The following CTNNA1 variants were observed in gnomAD, a reference collection of about 807,000 sequenced individuals.
CTNNA1 encodes the protein catenin alpha-1.
A neutral mutation model predicts 98.4 loss-of-function variants in CTNNA1; 37 were observed. The ratio of observed to expected loss-of-function variants is 0.38; its 90% CI spans 0.29 to 0.49. The LOEUF (loss-of-function observed/expected upper bound fraction) is 0.49, where lower values mean the gene tolerates loss of function less well. Among genes scored for constraint, CTNNA1 ranks in the 20% least tolerant of loss-of-function variants. The pLI, the probability that CTNNA1 is intolerant of heterozygous loss-of-function variation, is 0.95. For missense variants in CTNNA1, 761 were observed against 1,147.2 expected (o/e 0.66, Z 4.86); for synonymous variants, 404 against 413.2 (o/e 0.98, Z 0.27).
chr5:138,854,645 A>G (rs1763558864), intron 7 of CTNNA1, among the ~76,000 whole-genome samples: 1 of 152,250 alleles, frequency 6.6e-6, no homozygotes, highest in Non-Finnish European at 1.5e-5. Flanking sequence ...TGACCCACTA[A>G]GCCTCTCTAT....
In CTNNA1 at chr5:138,841,657, A is replaced by G. The variant is rs139347426; in HGVS notation, c.1062+13939A>G. On this transcript the variant is annotated intron_variant, in intron 7 of 17. Transcript: ENST00000302763. ...AAAACTGCCATTAGGGCTTTTTGTA[A>G]TGTCATAATTTGGAAACATAAGGAA... 1.2e-4 allele frequency among the ~76,000 whole-genome samples: 18 copies of G among 152,332 alleles called. No homozygotes were observed. In the East Asian group the frequency reaches 3.5e-3, roughly 29 times the overall value.
At chr5:138,825,161 C>G (rs888158530) in intron 6 of CTNNA1, among the ~76,000 whole-genome samples, 9 of 152,092 alleles carry the variant, frequency 5.9e-5, no homozygotes, top group Non-Finnish European at 8.8e-5. Context: ...GGTCAGCCCC[C>G]TAGAGGCTCG....
chr5:138,880,377 T>C (rs288031), intron 7 of CTNNA1: 48,690 of 152,274 alleles, frequency 0.32, 8,019 homozygotes, highest in African/African-American at 0.41. Context: ...GGGCTCAAGC[T>C]GTCCTCCCAC....
intron 14 of CTNNA1, among the ~76,000 whole-genome samples, chr5:138,929,980 G>A (rs1764953945): frequency 6.6e-6 from 1 of 152,200 alleles, no homozygotes; most frequent in Non-Finnish European, 1.5e-5. Context: ...GTGGGCTGGA[G>A]GTGGGCAGCA....
At chr5:138,881,146 G>C (rs1561641831) in intron 7 of CTNNA1, 1 of 455,806 alleles carries the variant, frequency 2.2e-6, no homozygotes, top group East Asian at 6.9e-5. Context: ...AGGTAAGACT[G>C]TCCTCCTTGA....
intron 10 of CTNNA1, among the ~76,000 whole-genome samples, chr5:138,914,603 G>A (rs1369787819): frequency 1.3e-5 from 2 of 151,888 alleles, no homozygotes; most frequent in African/African-American, 4.8e-5. Flanking sequence ...ATTAAGGAGG[G>A]AAGAGGAATA....
chr5:138,825,746 CTT>C (rs1217400726), intron 6 of CTNNA1, among the ~76,000 whole-genome samples: 2 of 151,938 alleles, frequency 1.3e-5, no homozygotes, highest in East Asian at 3.8e-4. Flanking sequence ...CGATTTAAGA[CTT>C]TTTCATAAAG....
chr5:138,812,397 A>T, intron 5 of CTNNA1, 95 bp downstream of exon 5: 3 of 1,343,632 alleles, frequency 2.2e-6, no homozygotes, highest in Non-Finnish European at 3.0e-6. Context: ...ACCATTACTT[A>T]CCTTCGCCAA....
chr5:138,841,249 A>G (rs1159574534), intron 7 of CTNNA1, among the ~76,000 whole-genome samples: 2 of 151,982 alleles, frequency 1.3e-5, no homozygotes, highest in Non-Finnish European at 2.9e-5. Flanking sequence ...TTGTATGTAT[A>G]TATGTATGTA....
intron 7 of CTNNA1, among the ~76,000 whole-genome samples, chr5:138,836,934 G>T (rs1331857544): frequency 2.0e-5 from 3 of 152,100 alleles, no homozygotes. Context: ...TGTTGTTAAT[G>T]TCACAAAGTT....
intron 7 of CTNNA1, among the ~76,000 whole-genome samples, chr5:138,828,764 A>G (rs145429975): frequency 6.6e-6 from 1 of 152,302 alleles, no homozygotes; most frequent in East Asian, 1.9e-4. Flanking sequence ...GTGAAGATGA[A>G]TGCCTTCCTC....
chr5:138,878,660 A>T, intron 7 of CTNNA1, among the ~76,000 whole-genome samples: 1 of 152,204 alleles, frequency 6.6e-6, no homozygotes, highest in Admixed American at 6.5e-5. Context: ...TTTCATATGT[A>T]TTGCTGATTA....
At position 138,873,198 on chromosome 5, in the gene CTNNA1, T is replaced by C; in HGVS notation, c.1063-13014T>C. The C allele has an allele frequency of 8.7e-6, 14 of 1,613,688 alleles. No homozygotes were observed. Among genetic ancestry groups the C allele is most frequent in the Non-Finnish European group, 1.2e-5 (14 of 1,179,700 alleles). ...TTCTGAACCATTGAGCACTGCCTAATTCTTCTTAAAGTGGGAGGGCAGCAC... is the reference window on the plus strand; with the variant it reads ...TTCTGAACCATTGAGCACTGCCTAACTCTTCTTAAAGTGGGAGGGCAGCAC... On this transcript the variant is annotated intron_variant, in intron 7 of 17. Coordinates refer to ENST00000302763, the MANE Select transcript of CTNNA1 (RefSeq NM_001903.5). The surrounding 1 kb of genome is among the most constrained non-coding windows in gnomAD (Gnocchi z 6.1).
intron 9 of CTNNA1, among the ~76,000 whole-genome samples, chr5:138,892,955 G>A (rs1023483349): frequency 1.3e-5 from 2 of 152,160 alleles, no homozygotes; most frequent in African/African-American, 4.8e-5. Context: ...GGCGGAGGTT[G>A]CAGTAAGCAG....
intron 1 of CTNNA1, among the ~76,000 whole-genome samples, chr5:138,779,010 C>T (rs1194934696): frequency 6.6e-6 from 1 of 152,096 alleles, no homozygotes; most frequent in Non-Finnish European, 1.5e-5. Flanking sequence ...TCATGAGTAG[C>T]TGCGATCACA....
intron 10 of CTNNA1, among the ~76,000 whole-genome samples, chr5:138,911,101 G>A (rs1760521116): frequency 6.6e-6 from 1 of 152,160 alleles, no homozygotes; most frequent in Non-Finnish European, 1.5e-5. Flanking sequence ...GCCAGGCATG[G>A]TGGTGCAAGG....
intron 1 of CTNNA1, among the ~76,000 whole-genome samples, chr5:138,766,451 G>GTTTT (rs5871680): frequency 2.2e-5 from 3 of 137,408 alleles, no homozygotes; most frequent in Non-Finnish European, 4.6e-5. Flanking sequence ...ACCATGTTTT[G>GTTTT]TTTTTTTTTT....
At chr5:138,869,253 G>T (rs1419666176) in intron 7 of CTNNA1, 1 of 150,980 alleles carries the variant, frequency 6.6e-6, no homozygotes, top group Non-Finnish European at 1.5e-5. Flanking sequence ...TGCAATAGCA[G>T]AATGAAAGCT....
intron 7 of CTNNA1, among the ~76,000 whole-genome samples, chr5:138,848,284 T>C (rs1762902735): frequency 6.6e-6 from 1 of 152,248 alleles, no homozygotes; most frequent in Non-Finnish European, 1.5e-5. Context: ...TGCAAGTGTA[T>C]AGAAAAGAGT....
Sources: allele counts gnomAD v4.1 joint callset (sites outside exome capture counted in the v4.1 genomes callset), GRCh38; gene constraint gnomAD v4.1.1; non-coding constraint Gnocchi (gnomAD v3.1); transcripts MANE v1.5; gene names NCBI Gene and HGNC (gene_info 2026-07-23, HGNC 2026-07-21).